RAPGEF4: variants seen among roughly 807,000 people sequenced by gnomAD.
RAPGEF4 encodes RAP guanine-nucleotide-exchange factor (GEF) 4.
RAPGEF4 carries 66 observed loss-of-function variants against 147.9 expected under a neutral mutation model. The observed-to-expected ratio is 0.45, with a 90% CI of 0.37 to 0.55. RAPGEF4 has a LOEUF of 0.55. RAPGEF4 is among the 20% of genes least tolerant of loss of function. The probability of loss-of-function intolerance (pLI) is 0.00; values close to 1 mark genes in which losing one functional copy is unlikely to be tolerated. For missense variants in RAPGEF4, 1,071 were observed against 1,257.3 expected, an observed-to-expected ratio of 0.85 and a Z score of 2.24; for synonymous variants, 419 against 442.7, an observed-to-expected ratio of 0.95 and a Z score of 0.67.
chr2:172,737,365 T>C (rs1693890830), intron 1 of RAPGEF4, among the ~76,000 whole-genome samples: 1 of 152,220 alleles, frequency 6.6e-6, no homozygotes, highest in South Asian at 2.1e-4. Flanking sequence ...AGTATCTACA[T>C]TTAATAGTTC....
intron 17 of RAPGEF4, among the ~76,000 whole-genome samples, chr2:173,004,161 C>G (rs1694218998): frequency 6.6e-6 from 1 of 152,166 alleles, no homozygotes; most frequent in South Asian, 2.1e-4. Flanking sequence ...TTGTGTGTCT[C>G]TTCCAGTTTT....
intron 1 of RAPGEF4, among the ~76,000 whole-genome samples, chr2:172,769,588 C>T (rs1036580934): frequency 2.0e-5 from 3 of 152,046 alleles, no homozygotes; most frequent in African/African-American, 7.2e-5. Flanking sequence ...AAGCCCTTCC[C>T]TGCATTTGCT....
intron 4 of RAPGEF4, among the ~76,000 whole-genome samples, chr2:172,822,511 A>T (rs1220648639): frequency 1.3e-5 from 2 of 152,226 alleles, no homozygotes; most frequent in Admixed American, 6.5e-5. Flanking sequence ...CTCCCCAAGC[A>T]GTGATTTCAG....
intron 4 of RAPGEF4, among the ~76,000 whole-genome samples, chr2:172,893,361 G>C (rs980427881): frequency 6.6e-6 from 1 of 152,240 alleles, no homozygotes; most frequent in Non-Finnish European, 1.5e-5. Context: ...ATCAGGAGAT[G>C]AAAGCGGCCA....
chr2:172,884,917 A>C (rs1697014011), intron 4 of RAPGEF4, among the ~76,000 whole-genome samples: 1 of 152,236 alleles, frequency 6.6e-6, no homozygotes, highest in South Asian at 2.1e-4. Context: ...ATGAAACATA[A>C]AGATTACTTG....
intron 17 of RAPGEF4, among the ~76,000 whole-genome samples, chr2:173,009,777 G>T (rs1400474078): frequency 2.0e-5 from 3 of 152,142 alleles, no homozygotes; most frequent in Non-Finnish European, 4.4e-5. Context: ...ATCTCGTTCA[G>T]GTATTAACGA....
intron 1 of RAPGEF4, among the ~76,000 whole-genome samples, chr2:172,778,335 A>T (rs1478174816): frequency 1.3e-5 from 2 of 152,182 alleles, no homozygotes; most frequent in Non-Finnish European, 2.9e-5. Flanking sequence ...CTGAACATCT[A>T]AACTTTTATA....
chr2:172,779,513 G>A (rs958602125), intron 1 of RAPGEF4, among the ~76,000 whole-genome samples: 8 of 152,154 alleles, frequency 5.3e-5, no homozygotes, highest in Non-Finnish European at 1.2e-4. Flanking sequence ...TGGAGAAGTG[G>A]GAGTAAGAGG....
intron 6 of RAPGEF4, among the ~76,000 whole-genome samples, chr2:172,954,618 A>G (rs1035056995): frequency 2.0e-5 from 3 of 152,156 alleles, no homozygotes; most frequent in South Asian, 2.1e-4. Flanking sequence ...TCCTTATTTT[A>G]ATTTCATCTG....
chr2:173,019,385 A>G (rs1370544310), intron 22 of RAPGEF4, among the ~76,000 whole-genome samples: 1 of 152,238 alleles, frequency 6.6e-6, no homozygotes, highest in Non-Finnish European at 1.5e-5. Flanking sequence ...TGTGGCTACG[A>G]AGGAAAGAAT....
At chr2:172,787,679 G>A (rs564949500) in intron 1 of RAPGEF4, among the ~76,000 whole-genome samples, 22 of 151,918 alleles carry the variant, frequency 1.4e-4, no homozygotes, top group African/African-American at 5.3e-4. Flanking sequence ...GAGTGCAGTG[G>A]CGTGATCATG....
At chr2:172,785,157 C>G (rs1685077181) in intron 1 of RAPGEF4, among the ~76,000 whole-genome samples, 1 of 152,178 alleles carries the variant, frequency 6.6e-6, no homozygotes. Context: ...TTTTATCTAA[C>G]AGGGCTGCAA....
Position 172,887,987 on chromosome 2 carries a change from A to G in RAPGEF4, c.445-29815A>G, listed in dbSNP as rs114734286. ...CATTGTTATTAGTATCATAATTCAC[A>G]TTCTTGTGTTTATCTCCTACTAGAG... On this transcript the variant is annotated intron_variant, in intron 4 of 30. Coordinates refer to ENST00000397081, the MANE Select transcript of RAPGEF4 (RefSeq NM_007023.4). Among the ~76,000 whole-genome samples the G allele has an allele frequency of 4.6e-3, 694 of 152,256 alleles. 5 individuals are homozygous for G. The highest frequency in any genetic ancestry group is 0.016 in the African/African-American group (649 of 41,528).
chr2:172,997,319 C>A (rs1440826549), intron 16 of RAPGEF4, among the ~76,000 whole-genome samples: 1 of 152,124 alleles, frequency 6.6e-6, no homozygotes, highest in South Asian at 2.1e-4. Context: ...CAAGGTTACC[C>A]CTTTTTATAA....
At chr2:172,932,973 A>G (rs1318665288) in intron 6 of RAPGEF4, among the ~76,000 whole-genome samples, 1 of 152,234 alleles carries the variant, frequency 6.6e-6, no homozygotes, top group Non-Finnish European at 1.5e-5. Flanking sequence ...AATATTAAAC[A>G]TTAAAGTAAA....
chr2:173,047,199 T>A (rs552806839), intron 29 of RAPGEF4, among the ~76,000 whole-genome samples: 1 of 152,216 alleles, frequency 6.6e-6, no homozygotes, highest in Non-Finnish European at 1.5e-5. Flanking sequence ...ACCGTGACAT[T>A]CTGGCTAAGA....
chr2:172,773,315 G>A (rs967457222), intron 1 of RAPGEF4, among the ~76,000 whole-genome samples: 4 of 152,086 alleles, frequency 2.6e-5, no homozygotes, highest in Non-Finnish European at 5.9e-5. Flanking sequence ...AAATGATCTG[G>A]CATCTTTTAT....
At chr2:172,842,769 A>G (rs1245997432) in intron 4 of RAPGEF4, among the ~76,000 whole-genome samples, 1 of 152,224 alleles carries the variant, frequency 6.6e-6, no homozygotes, top group Non-Finnish European at 1.5e-5. Context: ...CATAGTCACA[A>G]GTGCACCCAG....
intron 1 of RAPGEF4, among the ~76,000 whole-genome samples, chr2:172,779,217 A>T (rs965830261): frequency 2.0e-5 from 3 of 152,246 alleles, no homozygotes; most frequent in African/African-American, 7.2e-5. Flanking sequence ...AATAGCCAAA[A>T]TAAATCAATC....
Sources: allele counts gnomAD v4.1 joint callset (sites outside exome capture counted in the v4.1 genomes callset), GRCh38; gene constraint gnomAD v4.1.1; transcripts MANE v1.5; gene names NCBI Gene and HGNC (gene_info 2026-07-23, HGNC 2026-07-21).